The following RAP1GDS1 variants were observed in gnomAD, a reference collection of about 807,000 sequenced individuals.
The protein encoded by RAP1GDS1 is RAP1, GTP-GDP dissociation stimulator 1.
A neutral mutation model predicts 71.1 loss-of-function variants in RAP1GDS1; 35 were observed. The observed-to-expected ratio is 0.49, with a 90% confidence interval of 0.38 to 0.65. RAP1GDS1 has a LOEUF of 0.65. RAP1GDS1 is among the 30% of genes least tolerant of loss of function. The pLI, the probability that RAP1GDS1 is intolerant of heterozygous loss-of-function variation, is 0.00. For missense variants in RAP1GDS1, 663 were observed against 706.1 expected (o/e 0.94, Z 0.69); for synonymous variants, 229 against 243.1 (o/e 0.94, Z 0.54).
intron 1 of RAP1GDS1, 178 bp downstream of exon 1, chr4:98,261,747 T>G: frequency 2.4e-6 from 2 of 830,216 alleles, no homozygotes; most frequent in East Asian, 3.7e-5. Context: ...GTGCCGGGGC[T>G]GGGAGGGTCC....
intron 2 of RAP1GDS1, among the ~76,000 whole-genome samples, chr4:98,295,884 T>C (rs1372098408): frequency 6.6e-6 from 1 of 152,084 alleles, no homozygotes; most frequent in African/African-American, 2.4e-5. Flanking sequence ...TATGCCTTTT[T>C]AACAAGAAAA....
intron 1 of RAP1GDS1, among the ~76,000 whole-genome samples, chr4:98,278,728 A>G (rs185650386): frequency 2.2e-4 from 34 of 152,254 alleles, no homozygotes; most frequent in African/African-American, 7.9e-4. Context: ...TTCCAAATGA[A>G]GGAAATGGGG....
At position 98,370,625 on chromosome 4, in the gene RAP1GDS1, G is replaced by A. The variant is rs144646670; in HGVS notation, c.362-8392G>A. Among the ~76,000 whole-genome samples, 84 of 150,064 alleles carry A rather than the reference G, an allele frequency of 5.6e-4. 1 individual carries two copies. The East Asian group carries it at 0.013, about 24-fold the overall frequency. ...GTCACCCTGGCTGGAGTGCAGTGGC[G>A]CGATCTCTGCTCCCAGCTCATTGCA... is the stretch of plus-strand genomic sequence containing the variant. On this transcript the variant is annotated intron_variant, in intron 4 of 14. Transcript: ENST00000408927.
chr4:98,305,928 A>G (rs191763063), intron 2 of RAP1GDS1, among the ~76,000 whole-genome samples: 19 of 152,344 alleles, frequency 1.2e-4, no homozygotes, highest in African/African-American at 2.6e-4. Flanking sequence ...TGTATGCCAA[A>G]TACATACTGA....
At chr4:98,383,183 T>G (rs1316532782) in intron 5 of RAP1GDS1, among the ~76,000 whole-genome samples, 1 of 151,672 alleles carries the variant, frequency 6.6e-6, no homozygotes, top group African/African-American at 2.4e-5. Flanking sequence ...CTCCTAGTAT[T>G]GTTGTGCTAG....
intron 6 of RAP1GDS1, among the ~76,000 whole-genome samples, chr4:98,394,210 T>G (rs1744174601): frequency 6.6e-6 from 1 of 152,202 alleles, no homozygotes; most frequent in Non-Finnish European, 1.5e-5. Flanking sequence ...TGGTTTTGTG[T>G]CTAAATCTTG....
chr4:98,354,155 C>T (rs554723115), intron 4 of RAP1GDS1, among the ~76,000 whole-genome samples: 100 of 151,162 alleles, frequency 6.6e-4, no homozygotes, highest in African/African-American at 2.2e-3. Context: ...CTCCGCTTCC[C>T]GGGTTCACGC....
At chr4:98,341,258 C>A (rs1440346238) in intron 2 of RAP1GDS1, among the ~76,000 whole-genome samples, 1 of 151,824 alleles carries the variant, frequency 6.6e-6, no homozygotes, top group Non-Finnish European at 1.5e-5. Flanking sequence ...TATGTTTTTC[C>A]CTTTTATTTC....
chr4:98,414,632 T>C lies in RAP1GDS1; in HGVS notation c.764-2113T>C, dbSNP rs1578798900. 2.0e-5 allele frequency among the ~76,000 whole-genome samples: 3 copies of C among 149,322 alleles called. No individual in the cohort carries two copies. In the East Asian group the frequency reaches 5.9e-4, roughly 29 times the overall value. On this transcript the variant is annotated intron_variant, in intron 7 of 14. Coordinates refer to ENST00000408927, the MANE Select transcript of RAP1GDS1 (RefSeq NM_001100427.2). ...TGGTTACTGTAGCCTTGTAGTATAG[T>C]TTGAAGTCAGGTAGTGTGATGCCTC... is the stretch of plus-strand genomic sequence containing the variant.
At chr4:98,352,651 A>G (rs748582403) in intron 4 of RAP1GDS1, 50 bp downstream of exon 4, 1 of 1,590,966 alleles carries the variant, frequency 6.3e-7, no homozygotes, top group South Asian at 1.1e-5. Flanking sequence ...GAATTATGAT[A>G]TTCAGACTAA....
intron 3 of RAP1GDS1, among the ~76,000 whole-genome samples, chr4:98,346,040 C>A (rs1313669051): frequency 1.3e-5 from 2 of 152,272 alleles, no homozygotes; most frequent in East Asian, 3.9e-4. Context: ...CATGCAAATT[C>A]TTGGATCCAC....
At chr4:98,401,877 A>G (rs1476963094) in intron 6 of RAP1GDS1, among the ~76,000 whole-genome samples, 1 of 152,178 alleles carries the variant, frequency 6.6e-6, no homozygotes, top group Non-Finnish European at 1.5e-5. Flanking sequence ...GAGGAAAAGA[A>G]TGTGGATTGG....
intron 10 of RAP1GDS1, 72 bp downstream of exon 10, chr4:98,418,863 G>A: frequency 2.2e-6 from 3 of 1,386,924 alleles, no homozygotes; most frequent in South Asian, 3.8e-5. Flanking sequence ...TTAACTGTAT[G>A]TGATTTGTGA....
chr4:98,277,345 TAC>T (rs1724373308), intron 1 of RAP1GDS1, among the ~76,000 whole-genome samples: 1 of 152,204 alleles, frequency 6.6e-6, no homozygotes, highest in South Asian at 2.1e-4. Context: ...TCAATTGTAT[TAC>T]TTTCTTATAC....
intron 1 of RAP1GDS1, among the ~76,000 whole-genome samples, chr4:98,286,600 T>C (rs902670541): frequency 6.6e-6 from 1 of 152,090 alleles, no homozygotes; most frequent in Non-Finnish European, 1.5e-5. Context: ...TAAGAATGAA[T>C]GAGGCCAGGC....
intron 1 of RAP1GDS1, among the ~76,000 whole-genome samples, chr4:98,285,195 A>T (rs1304547815): frequency 2.6e-5 from 4 of 152,198 alleles, no homozygotes; most frequent in African/African-American, 7.2e-5. Flanking sequence ...TCAAAGTAGG[A>T]ACTACCTGCT....
chr4:98,431,945 A>C (rs1468323325), intron 12 of RAP1GDS1, among the ~76,000 whole-genome samples: 1 of 151,548 alleles, frequency 6.6e-6, no homozygotes, highest in Non-Finnish European at 1.5e-5. Context: ...TTTTTTTTTT[A>C]ATTATACTTT....
At chr4:98,272,114 T>A (rs1347426194) in intron 1 of RAP1GDS1, among the ~76,000 whole-genome samples, 5 of 152,184 alleles carry the variant, frequency 3.3e-5, no homozygotes, top group African/African-American at 7.2e-5. Context: ...AAGGACCAGA[T>A]GATAAATATT....
intron 3 of RAP1GDS1, among the ~76,000 whole-genome samples, chr4:98,352,026 A>G (rs1425662374): frequency 2.7e-5 from 4 of 150,558 alleles, no homozygotes; most frequent in Non-Finnish European, 5.9e-5. Context: ...ATATATTTAT[A>G]TTTATAGGCT....
Sources: gnomAD v4.1 joint callset for allele counts (sites outside exome capture counted in the v4.1 genomes callset) on GRCh38, gnomAD v4.1.1 for gene constraint, MANE v1.5 for transcripts, NCBI Gene and HGNC (gene_info 2026-07-23, HGNC 2026-07-21) for gene names.